Variants in NEK1 observed in about 807,000 individuals in gnomAD.
NEK1 encodes serine/threonine-protein kinase Nek1.
In NEK1, 137 loss-of-function variants were observed where a neutral mutation model predicts 182.1. The observed-to-expected ratio is 0.75, with a 90% confidence interval of 0.65 to 0.87. The LOEUF (loss-of-function observed/expected upper bound fraction) is 0.87, where lower values mean the gene tolerates loss of function less well. NEK1 is among the 40% of genes least tolerant of loss of function. The probability of loss-of-function intolerance (pLI) is 0.00; values close to 1 mark genes in which losing one functional copy is unlikely to be tolerated. For missense variants in NEK1, 1,391 were observed against 1,494.4 expected (o/e 0.93, Z 1.14); for synonymous variants, 513 against 492.2 (o/e 1.04, Z -0.56).
At chr4:169,602,962 T>C (rs1770738516) in intron 2 of NEK1, among the ~76,000 whole-genome samples, 1 of 152,160 alleles carries the variant, frequency 6.6e-6, no homozygotes, top group Non-Finnish European at 1.5e-5. Flanking sequence ...CTTACATGAA[T>C]TAATTAGTAG....
At chr4:169,570,906 T>C (rs1764701984) in intron 12 of NEK1, among the ~76,000 whole-genome samples, 2 of 152,156 alleles carry the variant, frequency 1.3e-5, no homozygotes, top group Admixed American at 1.3e-4. Flanking sequence ...CTGAAACATG[T>C]GCTGTGTCCA....
intron 11 of NEK1, among the ~76,000 whole-genome samples, chr4:169,578,506 G>A (rs1287814653): frequency 6.6e-6 from 1 of 152,082 alleles, no homozygotes; most frequent in Non-Finnish European, 1.5e-5. Flanking sequence ...GAAATCCTAC[G>A]ACTAAACTCA....
chr4:169,604,508 C>T (rs998952694), intron 2 of NEK1, among the ~76,000 whole-genome samples: 2 of 152,192 alleles, frequency 1.3e-5, no homozygotes, highest in Non-Finnish European at 1.5e-5. Flanking sequence ...TCATAGCAGG[C>T]TTCCAATGTG....
intron 19 of NEK1, among the ~76,000 whole-genome samples, chr4:169,533,045 AG>A (rs1757925996): frequency 6.6e-6 from 1 of 152,228 alleles, no homozygotes; most frequent in South Asian, 2.1e-4. Context: ...TTATAAGCAA[AG>A]GGAGTATAGT....
intron 31 of NEK1, among the ~76,000 whole-genome samples, chr4:169,409,366 G>C (rs541443239): frequency 6.6e-6 from 1 of 151,900 alleles, no homozygotes; most frequent in South Asian, 2.1e-4. Flanking sequence ...GGATGGTCTC[G>C]ATCTCCTGAC....
At chr4:169,611,067 T>A (rs1325155956) in intron 2 of NEK1, among the ~76,000 whole-genome samples, 2 of 152,230 alleles carry the variant, frequency 1.3e-5, no homozygotes, top group African/African-American at 4.8e-5. Context: ...GATTTTGTAG[T>A]AGAAACTACC....
In NEK1 at chr4:169,580,951, T is replaced by TA. The variant is rs1766535789; in HGVS notation, c.808-50dup. 4.1e-6 allele frequency: 4 copies of TA among 966,932 alleles called. No homozygotes were observed. The South Asian group carries it at 6.6e-5, about 16-fold the overall frequency. 59.9% of individuals were successfully genotyped at this position (966,932 alleles called of 1,614,324 possible). A position where few individuals can be genotyped will look rare whatever the true frequency, so the allele number is the denominator to read the frequency against. ...TAGAAAAGATGTTACATTTTCAAAATAAAAAACCTACCCATTAATTATAAT... is the reference window on the plus strand; with the variant it reads ...TAGAAAAGATGTTACATTTTCAAAATAAAAAAACCTACCCATTAATTATAAT... On this transcript the variant is annotated intron_variant, in intron 10 of 35. Transcript: ENST00000507142.
At chr4:169,574,031 T>C (rs1337396658) in intron 12 of NEK1, among the ~76,000 whole-genome samples, 3 of 151,950 alleles carry the variant, frequency 2.0e-5, no homozygotes, top group Non-Finnish European at 2.9e-5. Context: ...GTAGTGGCAC[T>C]TGCCTGTGGT....
At position 169,400,682 on chromosome 4, in the gene NEK1, T is replaced by C. The variant is rs565775404; in HGVS notation, c.3584-31A>G. ...AAACAAAATTAAAATAGAGATTTGATTTAAAAAGACTGAATAACTCATACC... is the reference window on the plus strand; with the variant it reads ...AAACAAAATTAAAATAGAGATTTGACTTAAAAAGACTGAATAACTCATACC... On this transcript the variant is annotated intron_variant, in intron 33 of 35. Coordinates refer to ENST00000507142, the MANE Select transcript of NEK1 (RefSeq NM_001199397.3). The C allele has an allele frequency of 2.8e-5, 42 of 1,511,050 alleles. No homozygotes were observed. The East Asian group carries it at 6.6e-4, about 24-fold the overall frequency. The allele number at this position is 1,511,050 out of a possible 1,614,324, so 93.6% of individuals were successfully genotyped here.
intron 15 of NEK1, 58 bp downstream of exon 15, chr4:169,561,629 A>G: frequency 6.3e-7 from 1 of 1,580,504 alleles, no homozygotes; most frequent in Non-Finnish European, 8.7e-7. Context: ...TTTAGCAATA[A>G]ACTGAAAATC....
At chr4:169,549,086 G>T (rs574167695) in intron 18 of NEK1, among the ~76,000 whole-genome samples, 1 of 152,168 alleles carries the variant, frequency 6.6e-6, no homozygotes, top group African/African-American at 2.4e-5. Context: ...GGAAACCCAG[G>T]GCCCTGGTGG....
intron 5 of NEK1, among the ~76,000 whole-genome samples, chr4:169,593,869 G>A (rs150339302): frequency 1.4e-4 from 22 of 152,112 alleles, no homozygotes; most frequent in African/African-American, 4.1e-4. Context: ...GGCGCCTGTA[G>A]TCCTAGCTAC....
chr4:169,589,058 T>C (rs924575234), intron 7 of NEK1, among the ~76,000 whole-genome samples: 2 of 152,216 alleles, frequency 1.3e-5, no homozygotes, highest in Non-Finnish European at 2.9e-5. Flanking sequence ...GCTCCATTCA[T>C]GGTAAGTGTC....
At chr4:169,485,001 G>A (rs1402230277) in intron 23 of NEK1, among the ~76,000 whole-genome samples, 2 of 152,186 alleles carry the variant, frequency 1.3e-5, no homozygotes, top group Non-Finnish European at 2.9e-5. Context: ...CTGATGAAAT[G>A]TATTAAGTTT....
At chr4:169,586,134 A>C (rs1767491020) in intron 9 of NEK1, among the ~76,000 whole-genome samples, 1 of 152,086 alleles carries the variant, frequency 6.6e-6, no homozygotes, top group African/African-American at 2.4e-5. Context: ...TAAACTTTAA[A>C]GTAAAAAGAA....
chr4:169,536,097 C>A (rs183021475), intron 19 of NEK1, among the ~76,000 whole-genome samples: 199 of 151,716 alleles, frequency 1.3e-3, no homozygotes, highest in Non-Finnish European at 2.5e-3. Context: ...GAGTTCAAGA[C>A]CAGCCTGGCC....
At chr4:169,532,323 C>T (rs1327830565) in intron 19 of NEK1, among the ~76,000 whole-genome samples, 2 of 152,120 alleles carry the variant, frequency 1.3e-5, no homozygotes, top group Non-Finnish European at 2.9e-5. Context: ...AAGTATGTTG[C>T]TAAAAACAGC....
chr4:169,468,001 A>C (rs1329550234), intron 26 of NEK1, among the ~76,000 whole-genome samples: 1 of 152,184 alleles, frequency 6.6e-6, no homozygotes, highest in Non-Finnish European at 1.5e-5. Context: ...AGGAAAAAAA[A>C]GGATAAAGAT....
intron 10 of NEK1, among the ~76,000 whole-genome samples, chr4:169,583,429 G>GGTGCTT (rs1208382653): frequency 6.6e-6 from 1 of 152,178 alleles, no homozygotes; most frequent in Non-Finnish European, 1.5e-5. Flanking sequence ...CATGAAGAAT[G>GGTGCTT]AAATCTAAGT....
Sources: gnomAD v4.1 joint callset for allele counts (sites outside exome capture counted in the v4.1 genomes callset) on GRCh38, gnomAD v4.1.1 for gene constraint, MANE v1.5 for transcripts, NCBI Gene and HGNC (gene_info 2026-07-23, HGNC 2026-07-21) for gene names.